Variants in ARHGEF40 observed in about 807,000 individuals in gnomAD.
ARHGEF40 encodes Rho guanine nucleotide exchange factor (GEF) 40.
A neutral mutation model predicts 165.9 loss-of-function variants in ARHGEF40; 98 were observed. That is an observed-to-expected ratio of 0.59 (90% CI 0.50 to 0.70). The LOEUF is 0.70. ARHGEF40 is among the 30% of genes least tolerant of loss of function. The pLI is 0.00. For synonymous variants in ARHGEF40, 792 were observed against 814.3 expected (o/e 0.97, Z 0.47); for missense variants, 1,815 against 1,968.0 (o/e 0.92, Z 1.47).
chr14:21,079,308 A>G (rs1426462958), intron 11 of ARHGEF40, among the ~76,000 whole-genome samples: 1 of 152,186 alleles, frequency 6.6e-6, no homozygotes. Context: ...TCAACTCTGG[A>G]GTGCCTACCA....
chr14:21,081,772 G>A lies in ARHGEF40; in HGVS notation c.2904G>A (p.Arg968=). 1 of 1,590,748 alleles carries A rather than the reference G, an allele frequency of 6.3e-7. No individual in the cohort carries two copies. Among genetic ancestry groups the A allele is most frequent in the Non-Finnish European group, 8.6e-7 (1 of 1,169,528 alleles). ...EEASPRGYRR[R]RADGASSGGA... ...CGAGCCCACGGGGCTACCGACGACG[G>A]CGGGCAGACGGTGCCAGCAGTGGAG... is the stretch of plus-strand genomic sequence containing the variant. The change falls in exon 14 of 24, where the codon CGG becomes CGA. Residue 968 remains arginine (R), a synonymous_variant. Coordinates refer to ENST00000298694, the MANE Select transcript of ARHGEF40 (RefSeq NM_018071.5).
chr14:21,070,314 A>C lies in ARHGEF40; in HGVS notation c.-83A>C. ...AGCTGTCCCTTAGCCAGACCCGGCGAGACACGAGCGGCGGGAGGGAGGCGG... is the reference window on the plus strand; with the variant it reads ...AGCTGTCCCTTAGCCAGACCCGGCGCGACACGAGCGGCGGGAGGGAGGCGG... On this transcript the variant is annotated 5_prime_UTR_variant, in exon 1 of 24. Transcript: ENST00000298694. This position sits in a 1 kb window ranked among gnomAD's most constrained non-coding sequence, Gnocchi z 4.7. The C allele has an allele frequency of 1.5e-6, 2 of 1,374,862 alleles. No individual in the cohort carries two copies. Among genetic ancestry groups the C allele is most frequent in the Non-Finnish European group, 1.9e-6 (2 of 1,063,722 alleles). The allele number at this position is 1,374,862 out of a possible 1,614,324, so 85.2% of individuals were successfully genotyped here.
upstream of ARHGEF40, among the ~76,000 whole-genome samples, chr14:21,067,980 CTTTTTTTTTTTTTTTTT>C (rs1171332473): frequency 4.5e-5 from 1 of 22,262 alleles, no homozygotes; most frequent in African/African-American, 1.1e-4. Context: ...AGTGGCTCCC[CTTTTTTTTTTTTTTTTT>C]TTTTTTTTTT....
Position 21,081,821 on chromosome 14 carries a change from C to A in ARHGEF40, c.2953C>A (p.Pro985Thr), listed in dbSNP as rs759437355. The change falls in exon 14 of 24, where the codon CCC becomes ACC. Residue 985 changes from proline to threonine, a missense_variant. Coordinates refer to ENST00000298694, the MANE Select transcript of ARHGEF40 (RefSeq NM_018071.5). Reference sequence around the variant, plus strand: ...AGGGGCCCAGTGGGGGCCCCGCAGCCCCTCGCCCAGCCTCAGCTCCTTGCT... The same window carrying A: ...AGGGGCCCAGTGGGGGCCCCGCAGCACCTCGCCCAGCCTCAGCTCCTTGCT... ...SGGAQWGPRS[P>T]SPSLSSLLLP... 3.1e-6 allele frequency: 5 copies of A among 1,606,994 alleles called. No individual in the cohort carries two copies. In the African/African-American group the frequency reaches 6.7e-5, roughly 21 times the overall value.
chr14:21,085,613 G>A, intron 18 of ARHGEF40, 76 bp from the exon 19 acceptor site: 1 of 1,528,508 alleles, frequency 6.5e-7, no homozygotes, highest in Non-Finnish European at 8.9e-7. Flanking sequence ...GCCAGGCGAA[G>A]CCCAGTGCTT....
intron 17 of ARHGEF40, 128 bp from the exon 18 acceptor site, chr14:21,084,625 C>T (rs867603408): frequency 1.7e-5 from 18 of 1,034,024 alleles, no homozygotes; most frequent in Middle Eastern, 3.2e-4. Flanking sequence ...CTGAGGGCTT[C>T]CCTGACTTCC....
At chr14:21,062,708 AGTGTGTGTGT>A in the ARHGEF40 span, among the ~76,000 whole-genome samples, 57 of 131,052 alleles carry the variant, frequency 4.3e-4, no homozygotes, top group African/African-American at 1.6e-3. Context: ...GGCTGGGCAC[AGTGTGTGTGT>A]GTGTGTGTGT....
chr14:21,070,475 T>C lies in ARHGEF40; in HGVS notation c.3+76T>C. 7.4e-7 allele frequency: 1 copy of C among 1,348,078 alleles called. No individual in the cohort carries two copies. 83.5% of individuals were successfully genotyped at this position (1,348,078 alleles called of 1,614,324 possible). On this transcript the variant is annotated intron_variant, in intron 1 of 23. Transcript: ENST00000298694. This position sits in a 1 kb window ranked among gnomAD's most constrained non-coding sequence, Gnocchi z 4.7. ...GCTCCGGGCCCCCAAGTCCTCAGCC[T>C]GGTGCCTCCCGAGCCTGCCTCGGAC...
chr14:21,076,739 G>T (rs375475516), intron 7 of ARHGEF40, 35 bp from the exon 8 acceptor site: 17 of 1,609,008 alleles, frequency 1.1e-5, no homozygotes, highest in Non-Finnish European at 1.4e-5. Flanking sequence ...GTCCTTGGGT[G>T]CCCAGGAAGA....
rs1387185813 is a variant in ARHGEF40 at position 21,075,674 on chromosome 14, C to CT, written c.1649dup (p.Thr551AspfsTer9). 1 of 1,613,968 alleles carries CT rather than the reference C, an allele frequency of 6.2e-7. No homozygotes were observed. ...GGTGGACCAGAGTGGGCGAGCTCTG[C>CT]TGACCATTACCCCACCGTGCCCTCC... On this transcript the variant is annotated frameshift_variant, in exon 5 of 24. Transcript: ENST00000298694. LOFTEE classifies it high-confidence loss of function. This position sits in a 1 kb window ranked among gnomAD's most constrained non-coding sequence, Gnocchi z 4.5.
chr14:21,076,851 C>A lies in ARHGEF40; in HGVS notation c.1995C>A (p.His665Gln), dbSNP rs779590283. The change falls in exon 8 of 24, where the codon CAC (histidine) becomes CAA (glutamine). Residue 665 changes from histidine (H) to glutamine (Q), a missense_variant. Transcript: ENST00000298694. ...PEELQWELGG[H>Q]RDPSPSHWVE... Reference sequence around the variant, plus strand: ...AGCTGCAGTGGGAGTTAGGAGGTCACAGGGACCCCTCTCCCAGTCACTGGG... The same window carrying A: ...AGCTGCAGTGGGAGTTAGGAGGTCAAAGGGACCCCTCTCCCAGTCACTGGG... The A allele has an allele frequency of 1.2e-6, 2 of 1,613,766 alleles. No homozygotes were observed. The highest frequency in any genetic ancestry group is 1.7e-6 in the Non-Finnish European group (2 of 1,180,006).
rs1427062555 is a variant in ARHGEF40, at chr14:21,072,859, G to T, written c.4-186G>T. Among the ~76,000 whole-genome samples, 1 of 152,212 alleles carries T rather than the reference G, an allele frequency of 6.6e-6. No individual in the cohort carries two copies. The highest frequency in any genetic ancestry group is 1.5e-5 in the Non-Finnish European group (1 of 68,032). On this transcript the variant is annotated intron_variant, in intron 1 of 23. Coordinates refer to ENST00000298694, the MANE Select transcript of ARHGEF40 (RefSeq NM_018071.5). The surrounding 1 kb of genome is among the most constrained non-coding windows in gnomAD (Gnocchi z 4.1). ...GAGTGTTGAGCGCCCTGCCAGGTTTGTGCACTCTGGCCCAGCCCCACTCCT... is the reference window on the plus strand; with the variant it reads ...GAGTGTTGAGCGCCCTGCCAGGTTTTTGCACTCTGGCCCAGCCCCACTCCT...
At chr14:21,082,767 G>T (rs758024223) in intron 15 of ARHGEF40, 64 bp from the exon 16 acceptor site, 99 of 1,515,030 alleles carry the variant, frequency 6.5e-5, no homozygotes, top group Non-Finnish European at 8.4e-5. Flanking sequence ...TAGAGAGGGG[G>T]AAGAGAGAGG....
Position 21,087,022 on chromosome 14 carries a change from T to C in ARHGEF40, c.4160T>C (p.Val1387Ala). ...CCAGAGCTCCGAGTGCAGCAGATGGTGTCCATGGGCATTGGGAATAAACCC... is the reference window on the plus strand; with the variant it reads ...CCAGAGCTCCGAGTGCAGCAGATGGCGTCCATGGGCATTGGGAATAAACCC... ...HNKELRVQQM[V>A]SMGIGNKPFL... is the part of the protein sequence containing the mutation. The change falls in exon 20 of 24, where the codon GTG (valine) becomes GCG (alanine). Residue 1387 changes from valine (V) to alanine (A), a missense_variant. Coordinates refer to ENST00000298694, the MANE Select transcript of ARHGEF40 (RefSeq NM_018071.5). 2 of 1,601,634 alleles carry C rather than the reference T, an allele frequency of 1.2e-6. No individual in the cohort carries two copies. Among genetic ancestry groups the C allele is most frequent in the South Asian group, 2.3e-5 (2 of 88,670 alleles).
chr14:21,069,571 C>G (rs1341060211), upstream of ARHGEF40, among the ~76,000 whole-genome samples: 3 of 152,224 alleles, frequency 2.0e-5, no homozygotes, highest in Non-Finnish European at 4.4e-5. Context: ...ACCCTGCCCC[C>G]TTGGCCAGGA....
At chr14:21,067,554 A>G (rs372603409), upstream of ARHGEF40, among the ~76,000 whole-genome samples, 13 of 152,302 alleles carry the variant, frequency 8.5e-5, no homozygotes, top group East Asian at 1.7e-3. Context: ...ATTAACTTCA[A>G]TAAGCTGCAA....
rs1887174772 is a variant in ARHGEF40, at chr14:21,073,871, G to T, written c.202-61G>T. ...TGCCTAGGGTGGGCCCATTCTAACT[G>T]CCCTCTCCTGCTGGTTTCTTCAGCA... On this transcript the variant is annotated intron_variant, in intron 2 of 23. Coordinates refer to ENST00000298694, the MANE Select transcript of ARHGEF40 (RefSeq NM_018071.5). The surrounding 1 kb of genome is among the most constrained non-coding windows in gnomAD (Gnocchi z 4.6). 3 of 1,538,336 alleles carry T rather than the reference G, an allele frequency of 2.0e-6. No individual in the cohort carries two copies. The highest frequency in any genetic ancestry group is 1.2e-5 in the South Asian group (1 of 81,060).
chr14:21,071,570 G>A (rs1249382258), intron 1 of ARHGEF40, among the ~76,000 whole-genome samples: 1 of 152,142 alleles, frequency 6.6e-6, no homozygotes, highest in South Asian at 2.1e-4. Context: ...AGGAGGCTGG[G>A]TCTCCGTGCT....
In ARHGEF40 at chr14:21,081,811, G is replaced by T. The variant is rs777413722; in HGVS notation, c.2943G>T (p.Gly981=). ...CCAGCAGTGGAGGGGCCCAGTGGGG[G>T]CCCCGCAGCCCCTCGCCCAGCCTCA... ...DGASSGGAQW[G]PRSPSPSLSS... is the part of the protein sequence containing the mutation. The change falls in exon 14 of 24, where the codon GGG becomes GGT. Residue 981 remains glycine, a synonymous_variant. Transcript: ENST00000298694. 19 of 1,602,706 alleles carry T rather than the reference G, an allele frequency of 1.2e-5. No individual in the cohort carries two copies. The South Asian group carries it at 2.0e-4, about 17-fold the overall frequency.
Sources: gnomAD v4.1 joint callset for allele counts (sites outside exome capture counted in the v4.1 genomes callset) on GRCh38, gnomAD v4.1.1 for gene constraint, Gnocchi (gnomAD v3.1) non-coding constraint, MANE v1.5 for transcripts, NCBI Gene and HGNC (gene_info 2026-07-23, HGNC 2026-07-21) for gene names.